The following MGAT4A variants were observed in gnomAD, a reference collection of about 807,000 sequenced individuals.
The protein encoded by MGAT4A is N-acetylglucosaminyltransferase IVa.
MGAT4A carries 33 observed loss-of-function variants against 74.1 expected under a neutral mutation model. That is an observed-to-expected ratio of 0.45 (90% CI 0.34 to 0.60). MGAT4A has a LOEUF of 0.60. Among genes scored for constraint, MGAT4A ranks in the 20% least tolerant of loss-of-function variants. The pLI is 0.02. For synonymous variants in MGAT4A, 198 were observed against 210.4 expected, an observed-to-expected ratio of 0.94 and a Z score of 0.51; for missense variants, 479 against 628.3, an observed-to-expected ratio of 0.76 and a Z score of 2.54.
intron 2 of MGAT4A, among the ~76,000 whole-genome samples, chr2:98,689,701 T>C (rs1702170086): frequency 6.6e-6 from 1 of 152,088 alleles, no homozygotes; most frequent in South Asian, 2.1e-4. Context: ...CAGACGCCTG[T>C]AGTCCCAGCT....
At chr2:98,707,125 G>T (rs1379079179) in intron 2 of MGAT4A, among the ~76,000 whole-genome samples, 1 of 152,122 alleles carries the variant, frequency 6.6e-6, no homozygotes, top group Non-Finnish European at 1.5e-5. Flanking sequence ...TGAGGCACGT[G>T]AATCACTTGA....
intron 2 of MGAT4A, among the ~76,000 whole-genome samples, chr2:98,701,018 T>C (rs1200211392): frequency 6.6e-6 from 1 of 152,100 alleles, no homozygotes; most frequent in Non-Finnish European, 1.5e-5. Context: ...TTCAGCTGAA[T>C]AGAATACAGC....
intron 1 of MGAT4A, among the ~76,000 whole-genome samples, chr2:98,727,795 T>C (rs756019795): frequency 1.1e-4 from 16 of 152,206 alleles, no homozygotes; most frequent in Admixed American, 9.8e-4. Context: ...CACAGGGGCA[T>C]AGTACTAATA....
chr2:98,636,359 T>C (rs958241053), intron 13 of MGAT4A, among the ~76,000 whole-genome samples, 158 bp downstream of exon 13: 3 of 152,152 alleles, frequency 2.0e-5, no homozygotes, highest in African/African-American at 7.2e-5. Context: ...ACTCGTCAAA[T>C]ATAAAAGTGC....
intron 2 of MGAT4A, among the ~76,000 whole-genome samples, chr2:98,688,651 G>A (rs1029868381): frequency 6.6e-6 from 1 of 152,150 alleles, no homozygotes; most frequent in Non-Finnish European, 1.5e-5. Context: ...AACAAGCCTG[G>A]GCTCTCAGTC....
rs200986810 is a variant in MGAT4A, at chr2:98,689,028, T to TA, written c.95-10558dup. Among the ~76,000 whole-genome samples the TA allele has an allele frequency of 4.9e-3, 749 of 152,020 alleles. 5 individuals are homozygous for TA. Among genetic ancestry groups the TA allele is most frequent in the African/African-American group, 0.016 (673 of 41,450 alleles). ...ATTCATCAATCATTCCTAATCATGC[T>TA]AAAAAAAACTAAATAAAATGGAAGA... is the stretch of plus-strand genomic sequence containing the variant. On this transcript the variant is annotated intron_variant, in intron 2 of 15. Transcript: ENST00000393487.
intron 2 of MGAT4A, among the ~76,000 whole-genome samples, chr2:98,682,453 A>C (rs1702074533): frequency 6.8e-6 from 1 of 146,478 alleles, no homozygotes; most frequent in African/African-American, 2.5e-5. Flanking sequence ...AAAAACCACC[A>C]CTTTGCAACC....
chr2:98,631,712 T>C (rs1344691276), intron 14 of MGAT4A, among the ~76,000 whole-genome samples: 1 of 152,210 alleles, frequency 6.6e-6, no homozygotes, highest in Non-Finnish European at 1.5e-5. Context: ...TGAGAGCTAC[T>C]TCCACTCAAT....
intron 2 of MGAT4A, among the ~76,000 whole-genome samples, chr2:98,684,679 ATGAT>A (rs1306614966): frequency 2.6e-5 from 4 of 152,222 alleles, no homozygotes; most frequent in South Asian, 4.1e-4. Flanking sequence ...GTATAAATGA[ATGAT>A]TAACACAAAC....
intron 14 of MGAT4A, among the ~76,000 whole-genome samples, chr2:98,629,881 T>G (rs888335123): frequency 2.0e-5 from 3 of 151,994 alleles, no homozygotes; most frequent in Admixed American, 6.6e-5. Flanking sequence ...CCGTCTCTAC[T>G]AAAAATACAA....
intron 2 of MGAT4A, among the ~76,000 whole-genome samples, chr2:98,682,445 A>AAAC (rs1702074266): frequency 6.6e-6 from 1 of 151,066 alleles, no homozygotes; most frequent in African/African-American, 2.4e-5. Context: ...AAAAAAAAAA[A>AAAC]AACCACCACT....
intron 14 of MGAT4A, among the ~76,000 whole-genome samples, chr2:98,630,614 T>C (rs796778472): frequency 3.3e-5 from 5 of 152,298 alleles, no homozygotes; most frequent in African/African-American, 9.6e-5. Context: ...TCATGTTCCA[T>C]ACGTACATAG....
At chr2:98,668,622 C>T (rs1449847449) in intron 4 of MGAT4A, among the ~76,000 whole-genome samples, 3 of 152,122 alleles carry the variant, frequency 2.0e-5, no homozygotes, top group East Asian at 1.9e-4. Flanking sequence ...AGTGGAGCTG[C>T]GAGAAGAGGA....
intron 1 of MGAT4A, among the ~76,000 whole-genome samples, chr2:98,728,097 T>C (rs1349849764): frequency 6.6e-6 from 1 of 152,038 alleles, no homozygotes; most frequent in East Asian, 1.9e-4. Flanking sequence ...TAAGTGTAAA[T>C]TAAAAAAATA....
chr2:98,690,086 C>T (rs753825659), intron 2 of MGAT4A, among the ~76,000 whole-genome samples: 5 of 152,072 alleles, frequency 3.3e-5, no homozygotes, highest in Admixed American at 6.5e-5. Flanking sequence ...GGACAGAAAA[C>T]GTCAGACAAT....
chr2:98,714,120 C>T (rs1479950127), intron 2 of MGAT4A, among the ~76,000 whole-genome samples: 1 of 152,142 alleles, frequency 6.6e-6, no homozygotes, highest in Non-Finnish European at 1.5e-5. Context: ...CGGAGTCTCG[C>T]TCTGTCACCC....
chr2:98,648,686 C>T (rs1477732885), intron 8 of MGAT4A, among the ~76,000 whole-genome samples: 1 of 151,166 alleles, frequency 6.6e-6, no homozygotes, highest in African/African-American at 2.4e-5. Context: ...TGCACCACTG[C>T]ACTCCAGCCT....
intron 2 of MGAT4A, among the ~76,000 whole-genome samples, chr2:98,684,499 C>T (rs1448070765): frequency 6.6e-6 from 1 of 152,116 alleles, no homozygotes; most frequent in Non-Finnish European, 1.5e-5. Flanking sequence ...GATTCTAAAA[C>T]AAAATTTCCA....
At chr2:98,698,837 T>C (rs966828821) in intron 2 of MGAT4A, among the ~76,000 whole-genome samples, 1 of 152,236 alleles carries the variant, frequency 6.6e-6, no homozygotes, top group Non-Finnish European at 1.5e-5. Flanking sequence ...TACTCTTTCA[T>C]TGTCTTCCTG....
Sources: allele counts gnomAD v4.1 joint callset (sites outside exome capture counted in the v4.1 genomes callset), GRCh38; gene constraint gnomAD v4.1.1; transcripts MANE v1.5; gene names NCBI Gene and HGNC (gene_info 2026-07-23, HGNC 2026-07-21).